Variants in MDFIC observed in about 807,000 individuals in gnomAD.
The protein encoded by MDFIC is MyoD family inhibitor domain containing, also known as myoD family inhibitor domain-containing protein.
Under a neutral mutation model 23.2 loss-of-function variants are expected in MDFIC, and 17 were observed. The observed-to-expected ratio is 0.73, with a 90% CI of 0.50 to 1.10. The LOEUF is 1.10. Among genes scored for constraint, MDFIC ranks in the 50% least tolerant of loss-of-function variants. The pLI, the probability that MDFIC is intolerant of heterozygous loss-of-function variation, is 0.00. For missense variants in MDFIC, 356 were observed against 316.6 expected, an observed-to-expected ratio of 1.12 and a Z score of -0.95; for synonymous variants, 120 against 115.2, an observed-to-expected ratio of 1.04 and a Z score of -0.27.
intron 2 of MDFIC, chr7:114,923,570 T>A: frequency 6.5e-7 from 1 of 1,532,966 alleles, no homozygotes; most frequent in South Asian, 1.2e-5. Context: ...ATAATTCAGG[T>A]TTCTGTGACC....
At chr7:114,941,108 TTTTG>T (rs950639072) in intron 2 of MDFIC, among the ~76,000 whole-genome samples, 3 of 152,212 alleles carry the variant, frequency 2.0e-5, no homozygotes, top group Non-Finnish European at 2.9e-5. Context: ...GAAATATGTT[TTTTG>T]TTTGTTTGTT....
chr7:114,974,295 TA>T, intron 3 of MDFIC, among the ~76,000 whole-genome samples: 1 of 4,050 alleles, frequency 2.5e-4, no homozygotes, highest in Non-Finnish European at 1.8e-3. Context: ...TATATATGCA[TA>T]TTATATATAT....
intron 4 of MDFIC, among the ~76,000 whole-genome samples, chr7:115,000,330 A>C (rs1328579499): frequency 1.3e-5 from 2 of 152,100 alleles, no homozygotes; most frequent in Non-Finnish European, 2.9e-5. Context: ...GTGTAAGTGC[A>C]CTCTCTGATG....
intron 3 of MDFIC, among the ~76,000 whole-genome samples, chr7:114,975,160 A>G (rs1793286079): frequency 1.3e-5 from 2 of 152,102 alleles, no homozygotes; most frequent in Non-Finnish European, 2.9e-5. Flanking sequence ...CACATATCAA[A>G]CAAAATGCCA....
intron 4 of MDFIC, among the ~76,000 whole-genome samples, chr7:114,996,069 G>A (rs1252755697): frequency 6.6e-6 from 1 of 152,176 alleles, no homozygotes; most frequent in Non-Finnish European, 1.5e-5. Context: ...CTGAGCCATT[G>A]TAATGTTTTT....
chr7:114,948,634 C>G (rs28459103), intron 3 of MDFIC, among the ~76,000 whole-genome samples: 1 of 151,500 alleles, frequency 6.6e-6, no homozygotes, highest in Admixed American at 6.6e-5. Flanking sequence ...TTCCTCTTTT[C>G]TTCTTCTTTC....
At chr7:115,015,642 T>G (rs1791779558) in intron 4 of MDFIC, 46 bp from the exon 5 acceptor site, 2 of 1,587,158 alleles carry the variant, frequency 1.3e-6, no homozygotes, top group Non-Finnish European at 8.6e-7. Context: ...TATTTTGTGT[T>G]CCTCCTTTTT....
At chr7:114,953,469 G>A (rs1792820417) in intron 3 of MDFIC, among the ~76,000 whole-genome samples, 1 of 152,148 alleles carries the variant, frequency 6.6e-6, no homozygotes, top group African/African-American at 2.4e-5. Context: ...TAAATTTGAA[G>A]CTAGTTACCA....
intron 3 of MDFIC, among the ~76,000 whole-genome samples, chr7:114,947,836 G>A (rs1792677871): frequency 6.6e-6 from 1 of 152,170 alleles, no homozygotes; most frequent in South Asian, 2.1e-4. Context: ...ACAAGAAAAT[G>A]CATATTGTAT....
At chr7:114,929,060 G>C (rs1380546730) in intron 2 of MDFIC, among the ~76,000 whole-genome samples, 1 of 80,860 alleles carries the variant, frequency 1.2e-5, no homozygotes. Context: ...GATAAATATA[G>C]ATATAGATCT....
At position 115,018,623 on chromosome 7, in the gene MDFIC, A is replaced by G. The variant is rs1791842751; in HGVS notation, c.*2688A>G. Reference sequence around the variant, plus strand: ...TGTTTTGTTGAAGTATATGGCTATCATGACTAAGTGCTAGAATTTATAGTT... The same window carrying G: ...TGTTTTGTTGAAGTATATGGCTATCGTGACTAAGTGCTAGAATTTATAGTT... On this transcript the variant is annotated 3_prime_UTR_variant, in exon 5 of 5. Coordinates refer to ENST00000393486, the MANE Select transcript of MDFIC (RefSeq NM_001166345.3). 6.6e-6 allele frequency: 1 copy of G among 152,472 alleles called. No homozygotes were observed. The highest frequency in any genetic ancestry group is 6.6e-5 in the Admixed American group (1 of 15,266). 9.4% of individuals were successfully genotyped at this position (152,472 alleles called of 1,614,324 possible).
chr7:114,994,718 A>C (rs1784485848), intron 4 of MDFIC, among the ~76,000 whole-genome samples: 1 of 152,158 alleles, frequency 6.6e-6, no homozygotes, highest in Non-Finnish European at 1.5e-5. Flanking sequence ...CGGAGAGATC[A>C]GCTGTTAGTC....
intron 3 of MDFIC, among the ~76,000 whole-genome samples, chr7:114,947,881 C>T (rs940613177): frequency 8.5e-5 from 13 of 152,156 alleles, no homozygotes; most frequent in African/African-American, 3.1e-4. Context: ...AGTAAGCACA[C>T]ACTGAATTTA....
chr7:114,962,524 C>T (rs768710198), intron 3 of MDFIC, among the ~76,000 whole-genome samples: 21 of 152,214 alleles, frequency 1.4e-4, no homozygotes, highest in Non-Finnish European at 2.1e-4. Flanking sequence ...TCATTCTAAC[C>T]GTCCATGTTT....
In MDFIC at chr7:114,925,325, A is replaced by G. The variant is rs2709508; in HGVS notation, c.94+2198A>G. Among the ~76,000 whole-genome samples the G allele has an allele frequency of 7.8e-4, 118 of 152,236 alleles. 1 individual carries two copies. Among genetic ancestry groups the G allele is most frequent in the African/African-American group, 2.8e-3 (115 of 41,538 alleles). On this transcript the variant is annotated intron_variant, in intron 2 of 4. Transcript: ENST00000393486. Reference sequence around the variant, plus strand: ...TGAAAGTAATTTTGGGGATTCTCTAATCTGAACTCCACATCAAGTCTAAAA... The same window carrying G: ...TGAAAGTAATTTTGGGGATTCTCTAGTCTGAACTCCACATCAAGTCTAAAA...
At chr7:115,000,008 A>G (rs1791428638) in intron 4 of MDFIC, among the ~76,000 whole-genome samples, 1 of 152,176 alleles carries the variant, frequency 6.6e-6, no homozygotes, top group South Asian at 2.1e-4. Context: ...GATCACCACT[A>G]GAACTTGTTA....
chr7:115,007,630 GTATATATATATATATA>G (rs10528546), intron 4 of MDFIC, among the ~76,000 whole-genome samples: 1 of 132,852 alleles, frequency 7.5e-6, no homozygotes. Flanking sequence ...GCGTGTGTGT[GTATATATATATATATA>G]TATATATATA....
At chr7:114,948,081 T>G (rs1792685346) in intron 3 of MDFIC, among the ~76,000 whole-genome samples, 1 of 152,206 alleles carries the variant, frequency 6.6e-6, no homozygotes, top group African/African-American at 2.4e-5. Flanking sequence ...GAATGGTTTA[T>G]GCTTAATAAA....
chr7:114,997,280 A>G (rs1030370810), intron 4 of MDFIC, among the ~76,000 whole-genome samples: 1 of 152,160 alleles, frequency 6.6e-6, no homozygotes, highest in African/African-American at 2.4e-5. Context: ...GTTGAGTGCT[A>G]TTGGTAATGA....
Sources: allele counts gnomAD v4.1 joint callset (sites outside exome capture counted in the v4.1 genomes callset), GRCh38; gene constraint gnomAD v4.1.1; transcripts MANE v1.5; gene names NCBI Gene and HGNC (gene_info 2026-07-23, HGNC 2026-07-21).